The following EPHA6 variants were observed in gnomAD, a reference collection of about 807,000 sequenced individuals.
EPHA6 encodes the protein EPH receptor A6.
In EPHA6, 50 loss-of-function variants were observed where a neutral mutation model predicts 112.0. The ratio of observed to expected loss-of-function variants is 0.45; its 90% CI spans 0.36 to 0.56. The LOEUF (loss-of-function observed/expected upper bound fraction) is 0.56, where lower values mean the gene tolerates loss of function less well. Ranked by LOEUF, EPHA6 falls within the 20% of genes least tolerant of loss-of-function variation. EPHA6 has a pLI of 0.00. For missense variants in EPHA6, 1,280 were observed against 1,417.4 expected (o/e 0.90, Z 1.56); for synonymous variants, 529 against 490.7 (o/e 1.08, Z -1.03).
chr3:97,308,389 T>G (rs566934904), intron 5 of EPHA6, among the ~76,000 whole-genome samples: 1 of 151,818 alleles, frequency 6.6e-6, no homozygotes, highest in African/African-American at 2.4e-5. Context: ...TCTCTGAAAT[T>G]TTGCCTTTCT....
intron 11 of EPHA6, among the ~76,000 whole-genome samples, chr3:97,580,007 C>G (rs181790987): frequency 1.3e-5 from 2 of 152,220 alleles, no homozygotes; most frequent in East Asian, 3.9e-4. Flanking sequence ...TACAAATGTT[C>G]TTTTAATTTT....
At chr3:97,720,659 T>C (rs1576350061) in intron 15 of EPHA6, among the ~76,000 whole-genome samples, 1 of 152,218 alleles carries the variant, frequency 6.6e-6, no homozygotes, top group Non-Finnish European at 1.5e-5. Context: ...TCCATGCTTG[T>C]TCTAATGAAG....
At chr3:97,127,201 T>A (rs1222494805) in intron 3 of EPHA6, among the ~76,000 whole-genome samples, 8 of 152,128 alleles carry the variant, frequency 5.3e-5, no homozygotes. Flanking sequence ...CAGGGAGAAA[T>A]GTAATTGTAC....
At chr3:97,121,840 G>A (rs1440548824) in intron 3 of EPHA6, among the ~76,000 whole-genome samples, 1 of 151,936 alleles carries the variant, frequency 6.6e-6, no homozygotes, top group Non-Finnish European at 1.5e-5. Context: ...AAACAATGCT[G>A]GACAGATATA....
intron 2 of EPHA6, among the ~76,000 whole-genome samples, chr3:96,974,288 T>C (rs1485743196): frequency 1.3e-5 from 2 of 149,148 alleles, no homozygotes; most frequent in Admixed American, 1.3e-4. Flanking sequence ...TTTATTTAGC[T>C]TGCTATGGAA....
At chr3:96,831,035 C>T (rs1444513874) in intron 1 of EPHA6, among the ~76,000 whole-genome samples, 3 of 151,962 alleles carry the variant, frequency 2.0e-5, no homozygotes, top group Non-Finnish European at 4.4e-5. Context: ...ATGATAAATA[C>T]AATTTTATTT....
At chr3:97,294,300 G>C (rs1160138298) in intron 5 of EPHA6, among the ~76,000 whole-genome samples, 2 of 152,186 alleles carry the variant, frequency 1.3e-5, no homozygotes, top group African/African-American at 2.4e-5. Flanking sequence ...CTTTGCAGTG[G>C]CCACTCCAGA....
intron 6 of EPHA6, among the ~76,000 whole-genome samples, chr3:97,446,814 C>A (rs75266968): frequency 0.12 from 17,525 of 152,046 alleles, 3,212 homozygotes; most frequent in African/African-American, 0.39. Flanking sequence ...ATTATAAAGG[C>A]CTTGATATGA....
intron 2 of EPHA6, among the ~76,000 whole-genome samples, chr3:96,905,601 G>A (rs753880213): frequency 2.6e-5 from 4 of 151,980 alleles, no homozygotes; most frequent in Non-Finnish European, 4.4e-5. Context: ...TTCTAGAATA[G>A]TAAATGTGCC....
chr3:97,347,844 T>G (rs530771520), intron 5 of EPHA6, among the ~76,000 whole-genome samples: 1 of 152,170 alleles, frequency 6.6e-6, no homozygotes, highest in African/African-American at 2.4e-5. Context: ...TTTTCACATA[T>G]AAGAATTAAA....
chr3:97,258,654 G>T (rs2079395871), intron 5 of EPHA6, among the ~76,000 whole-genome samples: 1 of 152,030 alleles, frequency 6.6e-6, no homozygotes, highest in Admixed American at 6.6e-5. Flanking sequence ...ATGACCAGTA[G>T]TTTCATCATG....
At chr3:96,838,998 G>T (rs1198055800) in intron 1 of EPHA6, among the ~76,000 whole-genome samples, 1 of 152,084 alleles carries the variant, frequency 6.6e-6, no homozygotes, top group Non-Finnish European at 1.5e-5. Context: ...TCCCAGCTGA[G>T]AAAGAGGCTA....
chr3:97,284,683 A>T (rs753609747), intron 5 of EPHA6, among the ~76,000 whole-genome samples: 3 of 152,192 alleles, frequency 2.0e-5, no homozygotes, highest in Non-Finnish European at 4.4e-5. Flanking sequence ...TGTGAAAAAT[A>T]GTGAACTATC....
chr3:97,709,536 T>A (rs926806232), intron 14 of EPHA6, among the ~76,000 whole-genome samples: 4 of 152,342 alleles, frequency 2.6e-5, no homozygotes, highest in Non-Finnish European at 5.9e-5. Context: ...GGATTTGGAC[T>A]TTTCAGTTAA....
At chr3:97,428,116 A>G (rs1036061944) in intron 6 of EPHA6, among the ~76,000 whole-genome samples, 49 of 152,338 alleles carry the variant, frequency 3.2e-4, no homozygotes, top group Middle Eastern at 3.4e-3. Flanking sequence ...AACAGTTGGT[A>G]TTGCCCCAAA....
intron 1 of EPHA6, among the ~76,000 whole-genome samples, chr3:96,835,139 T>C (rs2034328049): frequency 6.6e-6 from 1 of 152,068 alleles, no homozygotes; most frequent in South Asian, 2.1e-4. Flanking sequence ...GTTCCCTACC[T>C]TTGGAATTCA....
intron 16 of EPHA6, among the ~76,000 whole-genome samples, chr3:97,746,372 T>C (rs1261462860): frequency 1.3e-5 from 2 of 151,820 alleles, no homozygotes; most frequent in African/African-American, 4.8e-5. Context: ...ACACATTTAT[T>C]ACTATAAAAG....
chr3:97,396,015 G>A (rs576356077), intron 5 of EPHA6, among the ~76,000 whole-genome samples: 38 of 151,722 alleles, frequency 2.5e-4, no homozygotes, highest in African/African-American at 8.7e-4. Context: ...TTACAAAAAG[G>A]AATCGATAGC....
chr3:97,022,952 C>T (rs960944030), intron 3 of EPHA6, among the ~76,000 whole-genome samples: 12 of 152,190 alleles, frequency 7.9e-5, no homozygotes, highest in Admixed American at 7.9e-4. Context: ...TAGTTCATAT[C>T]CTTGCTTCAT....
Sources: allele counts gnomAD v4.1 joint callset (sites outside exome capture counted in the v4.1 genomes callset), GRCh38; gene constraint gnomAD v4.1.1; transcripts MANE v1.5; gene names NCBI Gene and HGNC (gene_info 2026-07-23, HGNC 2026-07-21).